The following ADAMTS2 variants were observed in gnomAD, a reference collection of about 807,000 sequenced individuals.
The protein encoded by ADAMTS2 is ADAM metallopeptidase with thrombospondin type 1 motif 2.
In ADAMTS2, 50 loss-of-function variants were observed where a neutral mutation model predicts 123.0. The ratio of observed to expected loss-of-function variants is 0.41; its 90% confidence interval spans 0.32 to 0.51. ADAMTS2 has a LOEUF of 0.51. Among genes scored for constraint, ADAMTS2 ranks in the 20% least tolerant of loss-of-function variants. The pLI, the probability that ADAMTS2 is intolerant of heterozygous loss-of-function variation, is 0.35. For synonymous variants in ADAMTS2, 678 were observed against 695.4 expected (o/e 0.98, Z 0.39); for missense variants, 1,494 against 1,705.2 (o/e 0.88, Z 2.18).
intron 5 of ADAMTS2, among the ~76,000 whole-genome samples, chr5:179,168,585 G>T (rs1022546535): frequency 3.3e-5 from 5 of 152,230 alleles, no homozygotes; most frequent in Non-Finnish European, 7.3e-5. Flanking sequence ...TCACTTGCAC[G>T]AACGCCTTTA....
At chr5:179,145,882 C>T (rs764994402) in intron 10 of ADAMTS2, among the ~76,000 whole-genome samples, 3 of 152,156 alleles carry the variant, frequency 2.0e-5, no homozygotes, top group Non-Finnish European at 4.4e-5. Context: ...GACGAAGTTT[C>T]GCTCTTGTTG....
chr5:179,309,689 C>T (rs71611486), intron 2 of ADAMTS2, among the ~76,000 whole-genome samples: 3 of 129,020 alleles, frequency 2.3e-5, no homozygotes, highest in Non-Finnish European at 3.1e-5. Context: ...ACCTGGGAGG[C>T]GGAGTTGCAG....
At chr5:179,258,778 C>T (rs1766136403) in intron 3 of ADAMTS2, among the ~76,000 whole-genome samples, 1 of 152,158 alleles carries the variant, frequency 6.6e-6, no homozygotes, top group African/African-American at 2.4e-5. Context: ...GGAGCTGTCA[C>T]AGGCAGCCGG....
chr5:179,315,331 G>GGAAAGCACTGAGGCCACTGTTGGCTTCT (rs1195221011), intron 2 of ADAMTS2, among the ~76,000 whole-genome samples: 1 of 49,078 alleles, frequency 2.0e-5, no homozygotes. Flanking sequence ...ACAGTGCTTT[G>GGAAAGCACTGAGGCCACTGTTGGCTTCT]GGAAGGTCAT....
chr5:179,212,377 T>C lies in ADAMTS2; in HGVS notation c.689-4662A>G, dbSNP rs558524126. 8.2e-4 allele frequency among the ~76,000 whole-genome samples: 105 copies of C among 128,242 alleles called. 7 individuals carry two copies. The highest frequency in any genetic ancestry group is 3.0e-3 in the African/African-American group (97 of 32,426). 84.1% of individuals were successfully genotyped at this position (128,242 alleles called of 152,430 possible). A position where few individuals can be genotyped will look rare whatever the true frequency, so the allele number is the denominator to read the frequency against. ...GTGTGGGCCCTGAGGGCGGGTGCAG[T>C]GGGCAGGCATGGGCTCTGTGGGCAG... is the stretch of plus-strand genomic sequence containing the variant. On this transcript the variant is annotated intron_variant, in intron 3 of 21. Coordinates refer to ENST00000251582, the MANE Select transcript of ADAMTS2 (RefSeq NM_014244.5).
chr5:179,242,296 C>T lies in ADAMTS2; in HGVS notation c.688+30615G>A, dbSNP rs338875. Among the ~76,000 whole-genome samples the T allele has an allele frequency of 0.47, 70,949 of 151,946 alleles. 18,310 individuals carry two copies. Among genetic ancestry groups the T allele is most frequent in the Non-Finnish European group, 0.56 (38,241 of 67,944 alleles). ...GTCTTGCTCGCGTGTGCCAGCAAAT[C>T]TCCTTTTCTTGGCTTAATTGGATTT... On this transcript the variant is annotated intron_variant, in intron 3 of 21. Transcript: ENST00000251582. The surrounding 1 kb of genome is among the most constrained non-coding windows in gnomAD (Gnocchi z 4.2).
Position 179,277,325 on chromosome 5 carries a change from C to CCGA in ADAMTS2, c.535-4262_535-4261insTCG, listed in dbSNP as rs1306028278. On this transcript the variant is annotated intron_variant, in intron 2 of 21. Coordinates refer to ENST00000251582, the MANE Select transcript of ADAMTS2 (RefSeq NM_014244.5). ...GCCCCGAGACCAAAGGCTGACACCC[C>CCGA]GAGACCAAAGGCTGACCCCCCTGAG... Among the ~76,000 whole-genome samples, 5 of 52,896 alleles carry CCGA rather than the reference C, an allele frequency of 9.5e-5. 1 individual carries two copies. Among genetic ancestry groups the CCGA allele is most frequent in the African/African-American group, 1.4e-4 (1 of 7,090 alleles). 34.7% of individuals were successfully genotyped at this position (52,896 alleles called of 152,430 possible).
At chr5:179,330,722 C>T (rs2127459307) in intron 2 of ADAMTS2, among the ~76,000 whole-genome samples, 1 of 152,346 alleles carries the variant, frequency 6.6e-6, no homozygotes, top group Non-Finnish European at 1.5e-5. Flanking sequence ...ACCTTCCCAG[C>T]AGCCCTGCTC....
chr5:179,277,304 C>A (rs62395001), intron 2 of ADAMTS2, among the ~76,000 whole-genome samples: 2 of 133,800 alleles, frequency 1.5e-5, no homozygotes, highest in Admixed American at 8.0e-5. Context: ...GCACCTGCCC[C>A]GAGACCAAAG....
rs920025782 is a variant in ADAMTS2, at chr5:179,130,560, C to A, written c.2291-462G>T. Among the ~76,000 whole-genome samples the A allele has an allele frequency of 2.0e-5, 3 of 152,196 alleles. No homozygotes were observed. The highest frequency in any genetic ancestry group is 4.4e-5 in the Non-Finnish European group (3 of 68,022). On this transcript the variant is annotated intron_variant, in intron 15 of 21. Coordinates refer to ENST00000251582, the MANE Select transcript of ADAMTS2 (RefSeq NM_014244.5). The surrounding 1 kb of genome is among the most constrained non-coding windows in gnomAD (Gnocchi z 4.3). ...TATATGTCTGGCTGAAACAGCAGAA[C>A]CCCCACCCCATCAGGGACCATGGCC... is the stretch of plus-strand genomic sequence containing the variant.
At chr5:179,250,781 A>G (rs1456494178) in intron 3 of ADAMTS2, among the ~76,000 whole-genome samples, 1 of 152,232 alleles carries the variant, frequency 6.6e-6, no homozygotes, top group Non-Finnish European at 1.5e-5. Context: ...TCTGCTCCTA[A>G]CTTTCGAAAC....
chr5:179,207,887 C>CA (rs1764743492), intron 3 of ADAMTS2, among the ~76,000 whole-genome samples, 172 bp from the exon 4 acceptor site: 1 of 152,178 alleles, frequency 6.6e-6, no homozygotes, highest in Admixed American at 6.5e-5. Context: ...AGAGACTTGC[C>CA]AAGCTGTCTC....
At chr5:179,342,339 C>T (rs1441356544) in intron 2 of ADAMTS2, among the ~76,000 whole-genome samples, 1 of 152,206 alleles carries the variant, frequency 6.6e-6, no homozygotes, top group Non-Finnish European at 1.5e-5. Context: ...TAAAATGGGA[C>T]ACACCTCTGA....
At chr5:179,157,858 T>C (rs919815062) in intron 6 of ADAMTS2, among the ~76,000 whole-genome samples, 9 of 152,250 alleles carry the variant, frequency 5.9e-5, no homozygotes, top group African/African-American at 1.4e-4. Context: ...AATCCTTTTT[T>C]ATAAATATTT....
chr5:179,315,411 C>T (rs1296871573), intron 2 of ADAMTS2, among the ~76,000 whole-genome samples: 1 of 148,150 alleles, frequency 6.7e-6, no homozygotes, highest in Non-Finnish European at 1.5e-5. Context: ...GTTTGTTTCC[C>T]ACCATTGGGA....
In ADAMTS2 at chr5:179,122,656, C is replaced by T. The variant is rs148344708; in HGVS notation, c.3076G>A (p.Gly1026Ser). The T allele has an allele frequency of 3.1e-5, 48 of 1,551,206 alleles. No homozygotes were observed. The African/African-American group carries it at 5.0e-4, about 16-fold the overall frequency. The change falls in exon 20 of 22, where the codon GGC (glycine) becomes AGC (serine). Residue 1026 changes from glycine (G) to serine (S), a missense_variant. Transcript: ENST00000251582. Reference sequence around the variant, plus strand: ...GCAGGTGGCTTACGGGGACAGGGGCCAAGCCTGCAGGTCCTCGCTGTCTCA... The same window carrying T: ...GCAGGTGGCTTACGGGGACAGGGGCTAAGCCTGCAGGTCCTCGCTGTCTCA... Reference protein sequence around the residue: ...RPETARTCRLGPCPRNISDPS... With the variant: ...RPETARTCRLSPCPRNISDPS...
At chr5:179,229,462 T>TGCTGCCCACTCCACAAACACGAGACCCC (rs1561605459) in intron 3 of ADAMTS2, among the ~76,000 whole-genome samples, 3 of 29,024 alleles carry the variant, frequency 1.0e-4, no homozygotes, top group Non-Finnish European at 1.8e-4. Flanking sequence ...CACGAGACCC[T>TGCTGCCCACTCCACAAACACGAGACCCC]GCTGCCCACT....
At chr5:179,151,161 T>C in intron 10 of ADAMTS2, 1 of 365,608 alleles carries the variant, frequency 2.7e-6, no homozygotes, top group Non-Finnish European at 5.7e-6. Context: ...CCTCCCAAAG[T>C]GCTGGGATAA....
intron 3 of ADAMTS2, among the ~76,000 whole-genome samples, chr5:179,213,521 A>G (rs550685378): frequency 3.9e-5 from 6 of 152,252 alleles, no homozygotes; most frequent in Admixed American, 6.5e-5. Flanking sequence ...AGGGCCCAGC[A>G]GAGGCGAGCT....
Sources: allele counts gnomAD v4.1 joint callset (sites outside exome capture counted in the v4.1 genomes callset), GRCh38; gene constraint gnomAD v4.1.1; non-coding constraint Gnocchi (gnomAD v3.1); transcripts MANE v1.5; gene names NCBI Gene and HGNC (gene_info 2026-07-23, HGNC 2026-07-21).